The following TUT4 variants were observed in gnomAD, a reference collection of about 807,000 sequenced individuals.
TUT4 encodes terminal uridylyl transferase 4.
A neutral mutation model predicts 192.2 loss-of-function variants in TUT4; 36 were observed. The ratio of observed to expected loss-of-function variants is 0.19; its 90% confidence interval spans 0.14 to 0.25. The LOEUF is 0.25. Among genes scored for constraint, TUT4 ranks in the 10% least tolerant of loss-of-function variants. The pLI, the probability that TUT4 is intolerant of heterozygous loss-of-function variation, is 1.00. For missense variants in TUT4, 1,493 were observed against 1,957.2 expected, an observed-to-expected ratio of 0.76 and a Z score of 4.47; for synonymous variants, 618 against 666.0, an observed-to-expected ratio of 0.93 and a Z score of 1.11.
At chr1:52,491,689 TAAACA>T (rs1270431504) in intron 7 of TUT4, among the ~76,000 whole-genome samples, 2 of 151,600 alleles carry the variant, frequency 1.3e-5, no homozygotes, top group Non-Finnish European at 2.9e-5. Flanking sequence ...CATCTCAAAA[TAAACA>T]AAACAAAAAT....
At chr1:52,437,886 C>T (rs1054748380) in intron 25 of TUT4, among the ~76,000 whole-genome samples, 16 of 149,566 alleles carry the variant, frequency 1.1e-4, no homozygotes, top group East Asian at 8.0e-4. Context: ...AACTGGGAGG[C>T]GGAGGATGCA....
intron 1 of TUT4, among the ~76,000 whole-genome samples, chr1:52,535,416 T>C (rs920593377): frequency 6.6e-5 from 10 of 152,194 alleles, no homozygotes; most frequent in African/African-American, 1.2e-4. Flanking sequence ...TCTTGTTTCA[T>C]AGTTATAATC....
chr1:52,462,874 T>C (rs1459713618), intron 16 of TUT4: 17 of 985,138 alleles, frequency 1.7e-5, no homozygotes, highest in Non-Finnish European at 1.9e-5. Flanking sequence ...TAACTGGAAA[T>C]AGCTGAAGGG....
intron 16 of TUT4, chr1:52,463,604 C>T (rs1287795428): frequency 1.6e-6 from 2 of 1,286,370 alleles, no homozygotes; most frequent in Non-Finnish European, 2.0e-6. Context: ...ATCTTGCAAA[C>T]AGTCCCGCAT....
intron 3 of TUT4, among the ~76,000 whole-genome samples, chr1:52,513,304 AG>A (rs2149341752): frequency 6.8e-6 from 1 of 148,140 alleles, no homozygotes; most frequent in African/African-American, 2.5e-5. Flanking sequence ...CGGGAGACTT[AG>A]GTACCTGAGC....
At chr1:52,534,137 G>A (rs1224972169) in intron 1 of TUT4, among the ~76,000 whole-genome samples, 1 of 152,110 alleles carries the variant, frequency 6.6e-6, no homozygotes, top group Non-Finnish European at 1.5e-5. Flanking sequence ...CAGTGAGTTT[G>A]GGAAAATAAT....
intron 20 of TUT4, among the ~76,000 whole-genome samples, chr1:52,457,396 C>T (rs536416413): frequency 1.4e-4 from 22 of 152,062 alleles, no homozygotes; most frequent in East Asian, 9.7e-4. Context: ...CCACCACGCC[C>T]GGCTAATTTT....
chr1:52,455,567 C>T (rs1303675632), intron 20 of TUT4, among the ~76,000 whole-genome samples: 2 of 132,222 alleles, frequency 1.5e-5, no homozygotes, highest in African/African-American at 2.9e-5. Flanking sequence ...CATGATTGCA[C>T]AGTCCAGCCC....
At chr1:52,524,416 G>C (rs542237206) in intron 2 of TUT4, among the ~76,000 whole-genome samples, 2 of 152,068 alleles carry the variant, frequency 1.3e-5, no homozygotes, top group East Asian at 1.9e-4. Context: ...CCAGCTACTC[G>C]GAGAGGCTGA....
At chr1:52,525,280 G>C (rs1266247859) in intron 2 of TUT4, among the ~76,000 whole-genome samples, 1 of 152,092 alleles carries the variant, frequency 6.6e-6, no homozygotes, top group Non-Finnish European at 1.5e-5. Flanking sequence ...GAGTGTGTAT[G>C]TGTACGAGCA....
At chr1:52,464,709 A>G (rs1570590235) in intron 16 of TUT4, among the ~76,000 whole-genome samples, 1 of 152,338 alleles carries the variant, frequency 6.6e-6, no homozygotes, top group Middle Eastern at 3.4e-3. Flanking sequence ...AATGAAAGAG[A>G]TATGAGAAGA....
At chr1:52,528,957 C>T (rs1682596769) in intron 1 of TUT4, among the ~76,000 whole-genome samples, 1 of 152,120 alleles carries the variant, frequency 6.6e-6, no homozygotes, top group South Asian at 2.1e-4. Context: ...AAGTGACCCT[C>T]CCATCTCAGT....
rs747191447 is a variant in TUT4 at position 52,425,516 on chromosome 1, C to T, written c.4712-9G>A. ...TCCTCGAAAGCCTGGCTCTGCATTT[C>T]AACAAGAGGGAAAAAGACATTTAAA... On this transcript the variant is annotated splice_polypyrimidine_tract_variant and intron_variant, in intron 28 of 29. Transcript: ENST00000257177. The T allele has an allele frequency of 2.5e-5, 40 of 1,600,902 alleles. No individual in the cohort carries two copies. Among genetic ancestry groups the T allele is most frequent in the Non-Finnish European group, 2.0e-5 (24 of 1,174,488 alleles).
chr1:52,445,678 G>T, intron 24 of TUT4, 109 bp downstream of exon 24: 1 of 796,632 alleles, frequency 1.3e-6, no homozygotes, highest in African/African-American at 1.7e-5. Context: ...AATATACAAA[G>T]CTATGACCAT....
At chr1:52,426,156 G>A (rs1467152347) in intron 28 of TUT4, among the ~76,000 whole-genome samples, 3 of 152,092 alleles carry the variant, frequency 2.0e-5, no homozygotes, top group African/African-American at 7.2e-5. Flanking sequence ...GAGGCATTGT[G>A]GCATAATGGT....
chr1:52,430,692 T>A (rs1651784173), intron 28 of TUT4, among the ~76,000 whole-genome samples: 1 of 152,238 alleles, frequency 6.6e-6, no homozygotes. Flanking sequence ...GAAAATTTTT[T>A]AAAATACTAA....
At chr1:52,488,837 G>T (rs1670457273) in intron 9 of TUT4, 72 bp downstream of exon 9, 3 of 1,459,834 alleles carry the variant, frequency 2.1e-6, no homozygotes, top group Non-Finnish European at 2.7e-6. Context: ...TACAAGAAAA[G>T]GCCTAATTTT....
At chr1:52,427,861 CAGTA>C (rs1650500138) in intron 28 of TUT4, among the ~76,000 whole-genome samples, 1 of 152,206 alleles carries the variant, frequency 6.6e-6, no homozygotes, top group South Asian at 2.1e-4. Context: ...TACAACCAGA[CAGTA>C]AGTTCCTTCT....
intron 20 of TUT4, among the ~76,000 whole-genome samples, chr1:52,447,846 A>G (rs1305701989): frequency 6.6e-6 from 1 of 152,248 alleles, no homozygotes; most frequent in African/African-American, 2.4e-5. Flanking sequence ...AGTAGTTTAT[A>G]AATGGAGAAA....
Sources: allele counts gnomAD v4.1 joint callset (sites outside exome capture counted in the v4.1 genomes callset), GRCh38; gene constraint gnomAD v4.1.1; transcripts MANE v1.5; gene names NCBI Gene and HGNC (gene_info 2026-07-23, HGNC 2026-07-21).